TGIF1: variants seen among roughly 807,000 people sequenced by gnomAD.
TGIF1 encodes homeobox protein TGIF1.
A neutral mutation model predicts 19.3 loss-of-function variants in TGIF1; 4 were observed. The observed-to-expected ratio is 0.21, with a 90% confidence interval of 0.10 to 0.47. The LOEUF is 0.47. TGIF1 is among the 20% of genes least tolerant of loss of function. The pLI is 0.98. For missense variants in TGIF1, 275 were observed against 341.4 expected (o/e 0.81, Z 1.53); for synonymous variants, 122 against 129.3 (o/e 0.94, Z 0.38).
intron 2 of TGIF1, among the ~76,000 whole-genome samples, chr18:3,438,014 G>T (rs966112364): frequency 5.3e-5 from 8 of 151,974 alleles, no homozygotes; most frequent in African/African-American, 4.8e-5. Context: ...AACCCGGGAG[G>T]CAGAGGTTGC....
chr18:3,439,976 G>A (rs535895609), intron 2 of TGIF1, among the ~76,000 whole-genome samples: 6 of 150,642 alleles, frequency 4.0e-5, no homozygotes, highest in South Asian at 2.1e-4. Context: ...AGCCAAGATC[G>A]AACCACTGCA....
At chr18:3,452,662 C>T (rs2083013501) in intron 1 of TGIF1, among the ~76,000 whole-genome samples, 1 of 152,100 alleles carries the variant, frequency 6.6e-6, no homozygotes, top group African/African-American at 2.4e-5. Flanking sequence ...CCTCCTTGGG[C>T]CCCTCCCTCT....
chr18:3,439,227 T>C (rs1317209178), intron 2 of TGIF1, among the ~76,000 whole-genome samples: 1 of 152,108 alleles, frequency 6.6e-6, no homozygotes, highest in Non-Finnish European at 1.5e-5. Flanking sequence ...TTTATTACAC[T>C]AGGATCTCCT....
intron 2 of TGIF1, among the ~76,000 whole-genome samples, chr18:3,434,505 C>T (rs1387282711): frequency 6.6e-6 from 1 of 151,962 alleles, no homozygotes; most frequent in Non-Finnish European, 1.5e-5. Context: ...CATTGCACTC[C>T]AGCCTGGGCA....
intron 2 of TGIF1, among the ~76,000 whole-genome samples, chr18:3,426,166 CTT>C (rs10675936): frequency 1.8e-4 from 21 of 116,572 alleles, no homozygotes; most frequent in Admixed American, 1.8e-4. Flanking sequence ...GGCTAGGGTC[CTT>C]TTTTTTTTTT....
intron 1 of TGIF1, chr18:3,452,198 G>C (rs368163691): frequency 3.1e-6 from 5 of 1,606,800 alleles, no homozygotes; most frequent in African/African-American, 2.7e-5. Context: ...CCCCCTCTGC[G>C]CTCCTGGGGT....
At chr18:3,430,821 G>C (rs932452558) in intron 2 of TGIF1, among the ~76,000 whole-genome samples, 43 of 151,918 alleles carry the variant, frequency 2.8e-4, no homozygotes, top group Non-Finnish European at 1.5e-5. Flanking sequence ...TAGTTTTAGT[G>C]TCTAATGCAG....
At position 3,452,293 on chromosome 18, in the gene TGIF1, G is replaced by A. The variant is rs199536188; in HGVS notation, c.16+1788G>A. 1,844 of 1,611,620 alleles carry A rather than the reference G, an allele frequency of 1.1e-3. 3 individuals are homozygous for A. Among genetic ancestry groups the A allele is most frequent in the Middle Eastern group, 3.0e-3 (18 of 6,046 alleles). On this transcript the variant is annotated intron_variant, in intron 1 of 2. Transcript: ENST00000343820. Reference sequence around the variant, plus strand: ...GAGCTGGGGACCAAGGCTGGGCCCCGCCGGCCGCATCGGTGGGAACTTCCG... The same window carrying A: ...GAGCTGGGGACCAAGGCTGGGCCCCACCGGCCGCATCGGTGGGAACTTCCG...
Position 3,452,310 on chromosome 18 carries a change from G to A in TGIF1, c.16+1805G>A, listed in dbSNP as rs376667193. 8 of 1,612,766 alleles carry A rather than the reference G, an allele frequency of 5.0e-6. No homozygotes were observed. The African/African-American group carries it at 8.0e-5, about 16-fold the overall frequency. On this transcript the variant is annotated intron_variant, in intron 1 of 2. Coordinates refer to ENST00000343820, the MANE Select transcript of TGIF1 (RefSeq NM_003244.4). ...TGGGCCCCGCCGGCCGCATCGGTGG[G>A]AACTTCCGCGGTCCCCATCCCAGGG...
At chr18:3,452,836 T>C (rs2083022994) in intron 1 of TGIF1, among the ~76,000 whole-genome samples, 1 of 152,154 alleles carries the variant, frequency 6.6e-6, no homozygotes. Context: ...CACTTTCAGC[T>C]CCATTCCTGA....
chr18:3,431,633 G>A (rs1050170417), intron 2 of TGIF1, among the ~76,000 whole-genome samples: 2 of 151,978 alleles, frequency 1.3e-5, no homozygotes, highest in Non-Finnish European at 2.9e-5. Context: ...TAGAAGAAAC[G>A]ATGGATGATA....
chr18:3,425,850 C>T (rs552742564), intron 2 of TGIF1, among the ~76,000 whole-genome samples: 8 of 152,210 alleles, frequency 5.3e-5, no homozygotes, highest in Non-Finnish European at 1.0e-4. Context: ...TGGGCCTGTG[C>T]GGGAAGAACC....
chr18:3,415,097 C>T lies in TGIF1; in HGVS notation c.-118+2843C>T, dbSNP rs112795998. The T allele has an allele frequency of 7.3e-3, 1,151 of 157,212 alleles. 7 individuals carry two copies. The highest frequency in any genetic ancestry group is 0.01 in the Non-Finnish European group (720 of 70,696). 9.7% of individuals were successfully genotyped at this position (157,212 alleles called of 1,614,324 possible). On this transcript the variant is annotated intron_variant, in intron 1 of 3. Transcript: ENST00000401449. ...CACCACCTCTGTCCTGGAGAAGAAG[C>T]CATATTTGGTCTCCCTCAATGGCTG...
Position 3,416,941 on chromosome 18 carries a change from C to T in TGIF1, c.-117-1202C>T, listed in dbSNP as rs193266795. ...GCAAGACTTTGTATCAAAACAACAA[C>T]AACAACAAAAAAAAGATTTATAATA... On this transcript the variant is annotated intron_variant, in intron 1 of 3. Coordinates refer to the TGIF1 transcript ENST00000401449. 4.6e-5 allele frequency among the ~76,000 whole-genome samples: 7 copies of T among 151,862 alleles called. No individual in the cohort carries two copies. The East Asian group carries it at 1.4e-3, about 29-fold the overall frequency.
At chr18:3,433,343 G>A (rs970497319) in intron 2 of TGIF1, among the ~76,000 whole-genome samples, 1 of 152,188 alleles carries the variant, frequency 6.6e-6, no homozygotes, top group Non-Finnish European at 1.5e-5. Context: ...CAAAGTGCTA[G>A]GATTACAGGC....
intron 2 of TGIF1, among the ~76,000 whole-genome samples, chr18:3,430,831 G>A (rs533901587): frequency 2.0e-5 from 3 of 152,232 alleles, no homozygotes; most frequent in African/African-American, 7.2e-5. Context: ...GTCTAATGCA[G>A]TAAATATAAT....
chr18:3,435,417 C>T (rs1004887410), intron 2 of TGIF1, among the ~76,000 whole-genome samples: 4 of 152,164 alleles, frequency 2.6e-5, no homozygotes, highest in South Asian at 4.1e-4. Context: ...AGGCTGGTCT[C>T]GAACTCCTGA....
At position 3,451,465 on chromosome 18, in the gene TGIF1, G is replaced by T; in HGVS notation, c.16+960G>T. On this transcript the variant is annotated intron_variant, in intron 1 of 2. Transcript: ENST00000343820. The surrounding 1 kb of genome is among the most constrained non-coding windows in gnomAD (Gnocchi z 5.4). Reference sequence around the variant, plus strand: ...GAGGTCCCCCGAGTGTTCCGCTGTGGGCTGGAGGTGGCGTTTCTGTCGTGA... The same window carrying T: ...GAGGTCCCCCGAGTGTTCCGCTGTGTGCTGGAGGTGGCGTTTCTGTCGTGA... The T allele has an allele frequency of 2.2e-5, 22 of 987,542 alleles. No homozygotes were observed. Among genetic ancestry groups the T allele is most frequent in the Non-Finnish European group, 2.6e-5 (22 of 831,454 alleles). The allele number at this position is 987,542 out of a possible 1,614,324, so 61.2% of individuals were successfully genotyped here.
At chr18:3,423,141 A>G (rs1399056768) in intron 2 of TGIF1, among the ~76,000 whole-genome samples, 20 of 152,210 alleles carry the variant, frequency 1.3e-4, no homozygotes, top group Non-Finnish European at 1.5e-5. Context: ...AGCCTAATGC[A>G]TGTAGTCGGC....
Sources: allele counts gnomAD v4.1 joint callset (sites outside exome capture counted in the v4.1 genomes callset), GRCh38; gene constraint gnomAD v4.1.1; non-coding constraint Gnocchi (gnomAD v3.1); transcripts MANE v1.5; gene names NCBI Gene and HGNC (gene_info 2026-07-23, HGNC 2026-07-21).